SLC35B4: variants seen among roughly 807,000 people sequenced by gnomAD.
SLC35B4 encodes the protein nucleotide sugar transporter SLC35B4.
SLC35B4 carries 28 observed loss-of-function variants against 39.5 expected under a neutral mutation model. The ratio of observed to expected loss-of-function variants is 0.71; its 90% confidence interval spans 0.53 to 0.97. The LOEUF is 0.97. Among genes scored for constraint, SLC35B4 ranks in the 50% least tolerant of loss-of-function variants. The pLI is 0.00. For missense variants in SLC35B4, 334 were observed against 414.3 expected (o/e 0.81, Z 1.68); for synonymous variants, 145 against 150.4 (o/e 0.96, Z 0.26).
chr7:134,316,423 T>C (rs185712098), intron 1 of SLC35B4, among the ~76,000 whole-genome samples: 3 of 152,358 alleles, frequency 2.0e-5, no homozygotes, highest in Non-Finnish European at 2.9e-5. Flanking sequence ...ACCCTGAGTC[T>C]TCCCCTCGCA....
Position 134,294,835 on chromosome 7 carries a change from A to G in SLC35B4, c.994T>C (p.Ter332ArgextTer12), listed in dbSNP as rs574665552. The G allele has an allele frequency of 6.2e-7, 1 of 1,613,986 alleles. No homozygotes were observed. The highest frequency in any genetic ancestry group is 8.5e-7 in the Non-Finnish European group (1 of 1,179,982). ...SEPQKDSKKN[*>R] Reference sequence around the variant, plus strand: ...GGTCTACGTACTCCAGACAGGCCTCAGTTCTTCTTGCTGTCCTTCTGAGGC... The same window carrying G: ...GGTCTACGTACTCCAGACAGGCCTCGGTTCTTCTTGCTGTCCTTCTGAGGC... Residue 332 changes from the stop codon to arginine (R), a stop_lost, in exon 10 of 10, where the codon TGA (stop) becomes CGA (arginine). Transcript: ENST00000378509.
upstream of SLC35B4, among the ~76,000 whole-genome samples, chr7:134,319,598 T>A (rs1220235235): frequency 2.0e-5 from 3 of 152,164 alleles, no homozygotes; most frequent in Non-Finnish European, 4.4e-5. Context: ...GGAATAGTGA[T>A]CCTGCGTGTG....
intron 6 of SLC35B4, 29 bp from the exon 7 acceptor site, chr7:134,300,290 GTCTGCA>G: frequency 6.8e-7 from 1 of 1,472,144 alleles, no homozygotes; most frequent in Non-Finnish European, 9.4e-7. Context: ...GTGACAAGAT[GTCTGCA>G]TTTGTTCATT....
At chr7:134,318,417 T>C (rs1446450731), upstream of SLC35B4, among the ~76,000 whole-genome samples, 1 of 151,952 alleles carries the variant, frequency 6.6e-6, no homozygotes, top group African/African-American at 2.4e-5. Context: ...ATGAATTATA[T>C]ATACATATAT....
intron 1 of SLC35B4, among the ~76,000 whole-genome samples, chr7:134,313,718 C>T (rs1448788825): frequency 6.6e-6 from 1 of 152,204 alleles, no homozygotes; most frequent in Non-Finnish European, 1.5e-5. Flanking sequence ...TAGTGTTATA[C>T]TTGCTACTTA....
chr7:134,316,224 TC>T (rs1463311207), intron 1 of SLC35B4, among the ~76,000 whole-genome samples: 2 of 152,164 alleles, frequency 1.3e-5, no homozygotes, highest in Non-Finnish European at 1.5e-5. Flanking sequence ...AAACCTTTGC[TC>T]AAGTCCAGCC....
chr7:134,316,877 C>T lies in SLC35B4; in HGVS notation c.-126G>A, dbSNP rs750399359. On this transcript the variant is annotated 5_prime_UTR_variant, in exon 1 of 10. It adds an upstream start codon to the 5' untranslated region. Transcript: ENST00000378509. Reference sequence around the variant, plus strand: ...GCACCGTCCTGGAAAGCCGCTCTCACTGGGGGCCGCCGCGGTCTCCCCTTC... The same window carrying T: ...GCACCGTCCTGGAAAGCCGCTCTCATTGGGGGCCGCCGCGGTCTCCCCTTC... The T allele has an allele frequency of 2.2e-6, 2 of 891,326 alleles. No homozygotes were observed. Among genetic ancestry groups the T allele is most frequent in the South Asian group, 1.6e-5 (1 of 60,984 alleles). 55.2% of individuals were successfully genotyped at this position (891,326 alleles called of 1,614,324 possible).
intron 1 of SLC35B4, among the ~76,000 whole-genome samples, chr7:134,311,397 T>C (rs1020330756): frequency 3.3e-5 from 5 of 152,184 alleles, no homozygotes; most frequent in African/African-American, 1.2e-4. Flanking sequence ...GGCTCACACC[T>C]ATAATCCCAG....
At chr7:134,312,762 A>G (rs1415475044) in intron 1 of SLC35B4, among the ~76,000 whole-genome samples, 1 of 152,208 alleles carries the variant, frequency 6.6e-6, no homozygotes, top group Non-Finnish European at 1.5e-5. Context: ...TTCCATTTCT[A>G]AAGACGCTGA....
chr7:134,316,675 C>T lies in SLC35B4; in HGVS notation c.77G>A (p.Arg26Gln), dbSNP rs757371312. 8 of 1,550,020 alleles carry T rather than the reference C, an allele frequency of 5.2e-6. No homozygotes were observed. Among genetic ancestry groups the T allele is most frequent in the East Asian group, 2.4e-5 (1 of 40,902 alleles). ...GGTGCGGCCCGAGCGGGTCACTCAC[C>T]GGGCCAGGAGCTCTAGGAAGATCAC... Reference protein sequence around the residue: ...SNVIFLELLARKHPGCGNIVT... With the variant: ...SNVIFLELLAQKHPGCGNIVT... Residue 26 changes from arginine (R) to glutamine (Q), a missense_variant and splice_region_variant, in exon 1 of 10, where the codon CGG becomes CAG. Coordinates refer to ENST00000378509, the MANE Select transcript of SLC35B4 (RefSeq NM_032826.5).
Position 134,316,926 on chromosome 7 carries a change from C to A in SLC35B4, c.-175G>T. On this transcript the variant is annotated 5_prime_UTR_variant, in exon 1 of 10. Coordinates refer to ENST00000378509, the MANE Select transcript of SLC35B4 (RefSeq NM_032826.5). ...TCTCCCGCGGCCAACACCGACGCTGCCAAGAAGCTGTAGTTCGCAGTCAGC... is the reference window on the plus strand; with the variant it reads ...TCTCCCGCGGCCAACACCGACGCTGACAAGAAGCTGTAGTTCGCAGTCAGC... 6.5e-6 allele frequency: 4 copies of A among 615,518 alleles called. No individual in the cohort carries two copies. The South Asian group carries it at 7.9e-5, about 12-fold the overall frequency. The allele number at this position is 615,518 out of a possible 1,614,324, so 38.1% of individuals were successfully genotyped here.
chr7:134,306,610 C>A, intron 3 of SLC35B4, 62 bp downstream of exon 3: 1 of 1,369,032 alleles, frequency 7.3e-7, no homozygotes, highest in Non-Finnish European at 1.0e-6. Flanking sequence ...GCCATATATT[C>A]AATCGATCTA....
chr7:134,311,634 G>C (rs918355693), intron 1 of SLC35B4, among the ~76,000 whole-genome samples: 1 of 152,162 alleles, frequency 6.6e-6, no homozygotes, highest in African/African-American at 2.4e-5. Flanking sequence ...CAGCCTGGGT[G>C]ACAAAGCAAG....
chr7:134,302,085 T>G lies in SLC35B4; in HGVS notation c.370A>C (p.Ile124Leu), dbSNP rs1803594901. The change falls in exon 5 of 10, where the codon ATT becomes CTT. Residue 124 changes from isoleucine to leucine, a missense_variant. Ile to Leu is a conservative substitution (Grantham distance 5). Transcript: ENST00000378509. ...KRYSIFKYTS[I>L]ALVSVGIFIC... ...AATATCCCCACAGACACCAGGGCAA[T>G]GGAGGTATATTTGAATATACTGTAT... is the stretch of plus-strand genomic sequence containing the variant. The G allele has an allele frequency of 6.2e-7, 1 of 1,613,656 alleles. No homozygotes were observed. The highest frequency in any genetic ancestry group is 1.7e-4 in the Middle Eastern group (1 of 6,060).
At chr7:134,306,016 C>G (rs1803702080) in intron 3 of SLC35B4, among the ~76,000 whole-genome samples, 2 of 152,178 alleles carry the variant, frequency 1.3e-5, no homozygotes, top group Non-Finnish European at 2.9e-5. Context: ...TCTCTGTTCT[C>G]TAAAAAGGTG....
chr7:134,291,781 A>C lies in SLC35B4; in HGVS notation c.*3052T>G, dbSNP rs1222749926. On this transcript the variant is annotated 3_prime_UTR_variant, in exon 10 of 10. Coordinates refer to ENST00000378509, the MANE Select transcript of SLC35B4 (RefSeq NM_032826.5). ...CATTACAGTTGTTTTAGTTGGACGAAAAAGAAAACAAAGAATCAAAAATAA... is the reference window on the plus strand; with the variant it reads ...CATTACAGTTGTTTTAGTTGGACGACAAAGAAAACAAAGAATCAAAAATAA... The C allele has an allele frequency of 6.6e-6, 1 of 152,268 alleles. No individual in the cohort carries two copies. Among genetic ancestry groups the C allele is most frequent in the Non-Finnish European group, 1.5e-5 (1 of 68,046 alleles). 9.4% of individuals were successfully genotyped at this position (152,268 alleles called of 1,614,324 possible).
At chr7:134,306,032 C>T (rs1803702478) in intron 3 of SLC35B4, among the ~76,000 whole-genome samples, 1 of 152,098 alleles carries the variant, frequency 6.6e-6, no homozygotes, top group South Asian at 2.1e-4. Flanking sequence ...AGGTGACAAT[C>T]AATCAACAGG....
rs1348610623 is a variant in SLC35B4 at position 134,294,953 on chromosome 7, G to T, written c.876C>A (p.Phe292Leu). ...AGGTGCCCAGCCAGTGCCACAGGGTGAAGGGGTTCTGGAAGTACAAGATGG... is the reference window on the plus strand; with the variant it reads ...AGGTGCCCAGCCAGTGCCACAGGGTTAAGGGGTTCTGGAAGTACAAGATGG... Reference protein sequence around the residue: ...IFSILYFQNPFTLWHWLGTLF... With the variant: ...IFSILYFQNPLTLWHWLGTLF... Residue 292 changes from phenylalanine to leucine, a missense_variant, in exon 10 of 10, where the codon TTC (phenylalanine) becomes TTA (leucine). By Grantham distance (22) the Phe-to-Leu change is conservative (BLOSUM62 0). Transcript: ENST00000378509. 1.2e-6 allele frequency: 2 copies of T among 1,614,084 alleles called. No homozygotes were observed. The highest frequency in any genetic ancestry group is 2.7e-5 in the African/African-American group (2 of 74,912).
At chr7:134,306,349 G>A (rs1156808690) in intron 3 of SLC35B4, among the ~76,000 whole-genome samples, 1 of 151,544 alleles carries the variant, frequency 6.6e-6, no homozygotes, top group Non-Finnish European at 1.5e-5. Context: ...TAAGAAATAA[G>A]TTAAATAACA....
Sources: gnomAD v4.1 joint callset for allele counts (sites outside exome capture counted in the v4.1 genomes callset) on GRCh38, gnomAD v4.1.1 for gene constraint, MANE v1.5 for transcripts, NCBI Gene and HGNC (gene_info 2026-07-23, HGNC 2026-07-21) for gene names.